CHD2: variants seen among roughly 807,000 people sequenced by gnomAD.
CHD2 encodes chromodomain helicase DNA binding protein 2.
In CHD2, 28 loss-of-function variants were observed where a neutral mutation model predicts 243.9. The observed-to-expected ratio is 0.11, with a 90% CI of 0.09 to 0.16. The LOEUF is 0.16. CHD2 is among the 10% of genes least tolerant of loss of function. CHD2 has a pLI of 1.00. For missense variants in CHD2, 1,386 were observed against 2,209.8 expected (o/e 0.63, Z 7.47); for synonymous variants, 775 against 779.0 (o/e 0.99, Z 0.09).
intron 26 of CHD2, among the ~76,000 whole-genome samples, chr15:92,988,241 C>G (rs1171338165): frequency 6.6e-6 from 1 of 152,050 alleles, no homozygotes; most frequent in Non-Finnish European, 1.5e-5. Context: ...TGCCACCACG[C>G]TGGCTAATTA....
intron 16 of CHD2, among the ~76,000 whole-genome samples, chr15:92,958,249 C>T (rs1056013277): frequency 2.0e-5 from 3 of 152,208 alleles, no homozygotes; most frequent in African/African-American, 2.4e-5. Flanking sequence ...AGTTTCCCTG[C>T]GTCATCACCA....
At chr15:92,978,973 C>T (rs992704381) in intron 21 of CHD2, among the ~76,000 whole-genome samples, 162 bp from the exon 22 acceptor site, 3 of 152,104 alleles carry the variant, frequency 2.0e-5, no homozygotes, top group Non-Finnish European at 4.4e-5. Context: ...ATTGCATCTA[C>T]TTAAGCTGCC....
intron 2 of CHD2, among the ~76,000 whole-genome samples, chr15:92,914,688 C>T (rs999030499): frequency 1.5e-4 from 23 of 152,110 alleles, no homozygotes; most frequent in Non-Finnish European, 7.4e-5. Flanking sequence ...TGCACTTTTT[C>T]TTATACATGT....
chr15:93,014,836 C>T lies in CHD2; in HGVS notation c.4833C>T (p.Ser1611=). 1 of 1,614,146 alleles carries T rather than the reference C, an allele frequency of 6.2e-7. No individual in the cohort carries two copies. Among genetic ancestry groups the T allele is most frequent in the South Asian group, 1.1e-5 (1 of 91,070 alleles). ...LHPQKPHLPA[S]HGPQMHGHPR... Reference sequence around the variant, plus strand: ...CTCAGAAGCCTCATTTGCCTGCCTCCCATGGCCCACAGATGCATGGACACC... The same window carrying T: ...CTCAGAAGCCTCATTTGCCTGCCTCTCATGGCCCACAGATGCATGGACACC... The change falls in exon 37 of 39, where the codon TCC becomes TCT. Residue 1611 remains serine, a synonymous_variant. Coordinates refer to ENST00000394196, the MANE Select transcript of CHD2 (RefSeq NM_001271.4).
At position 92,961,951 on chromosome 15, in the gene CHD2, G is replaced by A. The variant is rs150228084; in HGVS notation, c.2000+5302G>A. On this transcript the variant is annotated intron_variant, in intron 16 of 38. Transcript: ENST00000394196. Reference sequence around the variant, plus strand: ...AGGCTGGAGTGCAGGGTGCGATCTCGGCTCACTGCAACCTCCGCCTTCCAG... The same window carrying A: ...AGGCTGGAGTGCAGGGTGCGATCTCAGCTCACTGCAACCTCCGCCTTCCAG... Among the ~76,000 whole-genome samples the A allele has an allele frequency of 5.1e-3, 693 of 136,630 alleles. 10 individuals carry two copies. Among genetic ancestry groups the A allele is most frequent in the African/African-American group, 0.018 (666 of 36,878 alleles). The allele number at this position is 136,630 out of a possible 152,430, so 89.6% of individuals were successfully genotyped here.
chr15:92,936,950 C>T (rs1198172171), intron 5 of CHD2, among the ~76,000 whole-genome samples: 2 of 152,060 alleles, frequency 1.3e-5, no homozygotes, highest in Non-Finnish European at 2.9e-5. Context: ...CTCCTGGGTT[C>T]AAGTGATCCT....
intron 34 of CHD2, among the ~76,000 whole-genome samples, chr15:93,008,244 G>A (rs2054346924): frequency 6.6e-6 from 1 of 152,230 alleles, no homozygotes; most frequent in Non-Finnish European, 1.5e-5. Context: ...CTGTGCTCAT[G>A]TGCTCAGGTA....
At position 92,924,312 on chromosome 15, in the gene CHD2, C is replaced by T. The variant is rs1311237133; in HGVS notation, c.63-9C>T. The T allele has an allele frequency of 5.6e-6, 9 of 1,610,424 alleles. No individual in the cohort carries two copies. The highest frequency in any genetic ancestry group is 7.6e-6 in the Non-Finnish European group (9 of 1,177,550). On this transcript the variant is annotated splice_polypyrimidine_tract_variant and intron_variant, in intron 2 of 38. Coordinates refer to ENST00000394196, the MANE Select transcript of CHD2 (RefSeq NM_001271.4). ...AATATTTTTAAATCTCTCTCTCTCT[C>T]AAAATAAGTCACTCAGCCTCTGAAG...
chr15:92,986,445 A>G (rs2054043944), intron 26 of CHD2, among the ~76,000 whole-genome samples: 1 of 152,166 alleles, frequency 6.6e-6, no homozygotes, highest in Non-Finnish European at 1.5e-5. Flanking sequence ...GGTCACACCT[A>G]TTCTTCTTTC....
intron 13 of CHD2, 140 bp from the exon 14 acceptor site, chr15:92,953,217 G>A (rs937038269): frequency 1.5e-6 from 1 of 658,364 alleles, no homozygotes; most frequent in African/African-American, 1.8e-5. Context: ...TTGCAGATGA[G>A]AAGAAATACA....
At chr15:92,912,852 G>C (rs1037455861) in intron 2 of CHD2, among the ~76,000 whole-genome samples, 1 of 152,206 alleles carries the variant, frequency 6.6e-6, no homozygotes, top group Non-Finnish European at 1.5e-5. Flanking sequence ...GCCAGGCCCT[G>C]ACAAACTAAA....
At position 92,967,229 on chromosome 15, in the gene CHD2, C is replaced by G. The variant is rs901880223; in HGVS notation, c.2001-96C>G. 24 of 886,960 alleles carry G rather than the reference C, an allele frequency of 2.7e-5. No homozygotes were observed. In the African/African-American group the frequency reaches 3.1e-4, roughly 11 times the overall value. The allele number at this position is 886,960 out of a possible 1,614,324, so 54.9% of individuals were successfully genotyped here. A position where few individuals can be genotyped will look rare whatever the true frequency, so the allele number is the denominator to read the frequency against. On this transcript the variant is annotated intron_variant, in intron 16 of 38. Coordinates refer to ENST00000394196, the MANE Select transcript of CHD2 (RefSeq NM_001271.4). ...TAAGAGCTCTAGTGATTGATAATGT[C>G]TTTCCTTATGGGAAAGATTCATTTT...
In CHD2 at chr15:92,980,719, C is replaced by T. The variant is rs1371074526; in HGVS notation, c.2877-96C>T. ...CTTGAGGCAGAGTTTATATTTTCAGCAGTTAACTTGACCTCTTTCTGAAGG... is the reference window on the plus strand; with the variant it reads ...CTTGAGGCAGAGTTTATATTTTCAGTAGTTAACTTGACCTCTTTCTGAAGG... On this transcript the variant is annotated intron_variant, in intron 22 of 38. Coordinates refer to ENST00000394196, the MANE Select transcript of CHD2 (RefSeq NM_001271.4). The T allele has an allele frequency of 5.1e-6, 4 of 779,550 alleles. No individual in the cohort carries two copies. In the African/African-American group the frequency reaches 5.3e-5, roughly 10 times the overall value. 48.3% of individuals were successfully genotyped at this position (779,550 alleles called of 1,614,324 possible). A position where few individuals can be genotyped will look rare whatever the true frequency, so the allele number is the denominator to read the frequency against.
At chr15:92,938,329 AT>A (rs1256480453) in intron 6 of CHD2, among the ~76,000 whole-genome samples, 1 of 152,202 alleles carries the variant, frequency 6.6e-6, no homozygotes, top group Non-Finnish European at 1.5e-5. Context: ...TCATTAGTAG[AT>A]ATATATTGCA....
Position 92,945,801 on chromosome 15 carries a change from C to T in CHD2, c.1154-20C>T. On this transcript the variant is annotated intron_variant, in intron 10 of 38. Coordinates refer to ENST00000394196, the MANE Select transcript of CHD2 (RefSeq NM_001271.4). ...TTCATTGTGTTTATAACTTTTCTGT[C>T]TTATTTTTTATTTGTTTAGCTGTGA... is the stretch of plus-strand genomic sequence containing the variant. The T allele has an allele frequency of 6.7e-7, 1 of 1,502,056 alleles. No homozygotes were observed. The highest frequency in any genetic ancestry group is 9.0e-7 in the Non-Finnish European group (1 of 1,108,826). 93.0% of individuals were successfully genotyped at this position (1,502,056 alleles called of 1,614,324 possible).
intron 33 of CHD2, 22 bp from the exon 34 acceptor site, chr15:93,004,595 C>T (rs1442304846): frequency 1.2e-6 from 2 of 1,601,958 alleles, no homozygotes; most frequent in Admixed American, 1.7e-5. Flanking sequence ...GACAATGACT[C>T]CTTGTAACTC....
intron 2 of CHD2, among the ~76,000 whole-genome samples, chr15:92,909,448 G>C (rs1477462795): frequency 6.6e-6 from 1 of 152,198 alleles, no homozygotes; most frequent in African/African-American, 2.4e-5. Context: ...AGCAGTGCCT[G>C]CTAGCTGGTA....
In CHD2 at chr15:92,941,025, G is replaced by A. The variant is rs1411531713; in HGVS notation, c.693-797G>A. Among the ~76,000 whole-genome samples the A allele has an allele frequency of 2.9e-5, 4 of 137,230 alleles. No homozygotes were observed. The East Asian group carries it at 6.3e-4, about 21-fold the overall frequency. The allele number at this position is 137,230 out of a possible 152,430, so 90.0% of individuals were successfully genotyped here. ...TATATATAATTTTTTTTTTTGAGAC[G>A]GAGTCTTGCTGTGTTGCCCAGGCTA... On this transcript the variant is annotated intron_variant, in intron 7 of 38. Transcript: ENST00000394196.
At chr15:92,933,533 T>C (rs2053213219) in intron 5 of CHD2, among the ~76,000 whole-genome samples, 1 of 152,248 alleles carries the variant, frequency 6.6e-6, no homozygotes. Flanking sequence ...TTTTCATGCA[T>C]TACCTCTTAA....
Sources: allele counts gnomAD v4.1 joint callset (sites outside exome capture counted in the v4.1 genomes callset), GRCh38; gene constraint gnomAD v4.1.1; transcripts MANE v1.5; gene names NCBI Gene and HGNC (gene_info 2026-07-23, HGNC 2026-07-21).